The following CCDC12 variants were observed in gnomAD, a reference collection of about 807,000 sequenced individuals.
CCDC12 encodes coiled-coil domain-containing protein 12.
A neutral mutation model predicts 25.7 loss-of-function variants in CCDC12; 28 were observed. That is an observed-to-expected ratio of 1.09 (90% confidence interval 0.81 to 1.50). The LOEUF (loss-of-function observed/expected upper bound fraction) is 1.50. CCDC12 is among the 40% of genes most tolerant of loss of function. CCDC12 has a pLI of 0.00. For synonymous variants in CCDC12, 75 were observed against 87.7 expected (o/e 0.86, Z 0.81); for missense variants, 198 against 210.0 (o/e 0.94, Z 0.35).
chr3:46,955,751 G>C (rs956061000), intron 1 of CCDC12, among the ~76,000 whole-genome samples: 54 of 152,276 alleles, frequency 3.5e-4, no homozygotes, highest in African/African-American at 1.3e-3. Context: ...AAGCAAAGGG[G>C]CCCCCCGAAA....
chr3:46,930,767 G>A (rs1178332965), intron 2 of CCDC12, among the ~76,000 whole-genome samples: 5 of 152,176 alleles, frequency 3.3e-5, no homozygotes, highest in Non-Finnish European at 2.9e-5. Context: ...AGCTCCAGGA[G>A]GTGGCCCTGT....
chr3:46,969,769 C>T (rs1483644863), intron 1 of CCDC12, among the ~76,000 whole-genome samples: 1 of 152,174 alleles, frequency 6.6e-6, no homozygotes, highest in Non-Finnish European at 1.5e-5. Flanking sequence ...CAGGTAGAGA[C>T]ACAGTTTCTT....
upstream of CCDC12, chr3:46,979,624 C>T (rs2035158463): frequency 6.6e-6 from 2 of 301,498 alleles, no homozygotes; most frequent in East Asian, 1.0e-4. Context: ...GGCGGGGCGG[C>T]GGTGACTGCA....
intron 1 of CCDC12, among the ~76,000 whole-genome samples, chr3:46,973,624 T>A (rs2107206531): frequency 6.8e-6 from 1 of 147,840 alleles, no homozygotes; most frequent in Non-Finnish European, 1.5e-5. Context: ...TTTTTTTTTT[T>A]TTTTTTTGAG....
chr3:46,960,738 G>A (rs919811493), intron 1 of CCDC12, among the ~76,000 whole-genome samples: 1 of 152,254 alleles, frequency 6.6e-6, no homozygotes, highest in Non-Finnish European at 1.5e-5. Context: ...AAGAGGGCCA[G>A]GCATGACTGA....
intron 2 of CCDC12, among the ~76,000 whole-genome samples, chr3:46,939,688 G>A (rs1465118141): frequency 1.3e-5 from 2 of 152,184 alleles, no homozygotes; most frequent in African/African-American, 4.8e-5. Flanking sequence ...AGCATCACCA[G>A]CCTCTAAGCA....
chr3:46,964,818 A>G lies in CCDC12; in HGVS notation c.96+11819T>C, dbSNP rs564082078. On this transcript the variant is annotated intron_variant, in intron 1 of 6. Transcript: ENST00000683445. ...TACCCAGGGACACAAACACTGCTGAAGGCCGCAGGGTCCTCTGCCTAGGAA... is the reference window on the plus strand; with the variant it reads ...TACCCAGGGACACAAACACTGCTGAGGGCCGCAGGGTCCTCTGCCTAGGAA... 2.1e-3 allele frequency among the ~76,000 whole-genome samples: 317 copies of G among 152,270 alleles called. 2 individuals carry two copies. The highest frequency in any genetic ancestry group is 7.3e-3 in the African/African-American group (304 of 41,542).
upstream of CCDC12, among the ~76,000 whole-genome samples, chr3:46,978,864 T>G (rs879449323): frequency 4.1e-4 from 62 of 152,064 alleles, no homozygotes; most frequent in Non-Finnish European, 5.9e-4. Flanking sequence ...GCGCCTGTAG[T>G]CCCAGCTACT....
intron 3 of CCDC12, among the ~76,000 whole-genome samples, chr3:46,924,595 A>G (rs1250462282): frequency 6.6e-6 from 1 of 152,250 alleles, no homozygotes; most frequent in Non-Finnish European, 1.5e-5. Context: ...CTGGAATCCC[A>G]GCACTTTGGG....
intron 1 of CCDC12, among the ~76,000 whole-genome samples, chr3:46,959,784 C>G (rs372130026): frequency 7.2e-5 from 11 of 152,178 alleles, no homozygotes; most frequent in African/African-American, 2.7e-4. Context: ...GCCTGTTCTG[C>G]TCCTGCCCCT....
intron 2 of CCDC12, among the ~76,000 whole-genome samples, chr3:46,928,547 A>T (rs1177800915): frequency 2.6e-5 from 4 of 152,252 alleles, no homozygotes; most frequent in Non-Finnish European, 5.9e-5. Flanking sequence ...AGAGAAAAAA[A>T]AAAGTGTGTT....
chr3:46,957,958 AATACAC>A (rs1469288443), intron 1 of CCDC12, among the ~76,000 whole-genome samples: 1 of 27,974 alleles, frequency 3.6e-5, no homozygotes, highest in Non-Finnish European at 1.1e-4. Flanking sequence ...TAAAAAAATA[AATACAC>A]ACACACACAC....
chr3:46,956,726 T>G (rs2034298725), intron 1 of CCDC12, among the ~76,000 whole-genome samples: 1 of 148,696 alleles, frequency 6.7e-6, no homozygotes, highest in African/African-American at 2.5e-5. Context: ...GGGGCTGAGG[T>G]GGGGGAATCA....
At chr3:46,976,434 G>T (rs1000347731) in intron 1 of CCDC12, 33 of 1,414,326 alleles carry the variant, frequency 2.3e-5, no homozygotes, top group Admixed American at 2.1e-4. Flanking sequence ...CATGCGCGAC[G>T]ACCGCACCAG....
rs1559546237 is a variant in CCDC12, at chr3:46,923,181, G to C, written c.341+148C>G. The C allele has an allele frequency of 6.0e-6, 5 of 837,636 alleles. No individual in the cohort carries two copies. In the South Asian group the frequency reaches 2.0e-4, roughly 33 times the overall value. 51.9% of individuals were successfully genotyped at this position (837,636 alleles called of 1,614,324 possible). ...CACCACTTATGTCCTCCTCAGCACTGGTTTCCAACAGTAGCTATCTCGTGT... is the reference window on the plus strand; with the variant it reads ...CACCACTTATGTCCTCCTCAGCACTCGTTTCCAACAGTAGCTATCTCGTGT... On this transcript the variant is annotated intron_variant, in intron 5 of 6. Coordinates refer to ENST00000683445, the MANE Select transcript of CCDC12 (RefSeq NM_001277074.2).
At chr3:46,929,760 C>T (rs2033129014) in intron 2 of CCDC12, among the ~76,000 whole-genome samples, 1 of 151,964 alleles carries the variant, frequency 6.6e-6, no homozygotes. Context: ...GGCATGGTGG[C>T]TCACACCTGT....
chr3:46,923,582 ATGCCAGGGTG>A lies in CCDC12; in HGVS notation c.306+15_306+24del. On this transcript the variant is annotated intron_variant, in intron 4 of 6. Transcript: ENST00000683445. ...AACAGGACACACAGAAGCAGCGAGG[ATGCCAGGGTG>A]GTCCAGGCACTCACCACCTCCTCGA... The A allele has an allele frequency of 6.2e-7, 1 of 1,603,148 alleles. No individual in the cohort carries two copies. Among genetic ancestry groups the A allele is most frequent in the Non-Finnish European group, 8.5e-7 (1 of 1,174,862 alleles).
chr3:46,973,764 C>T (rs1054839065), intron 1 of CCDC12, among the ~76,000 whole-genome samples: 1 of 151,854 alleles, frequency 6.6e-6, no homozygotes, highest in Non-Finnish European at 1.5e-5. Context: ...AGGCGCCCAC[C>T]ACCGCGCTCG....
At chr3:46,979,939 A>C (rs896964084), upstream of CCDC12, 33 of 348,590 alleles carry the variant, frequency 9.5e-5, no homozygotes, top group Middle Eastern at 7.7e-4. Flanking sequence ...CCGCGCCCGC[A>C]CCCGCACCCG....
Sources: allele counts gnomAD v4.1 joint callset (sites outside exome capture counted in the v4.1 genomes callset), GRCh38; gene constraint gnomAD v4.1.1; transcripts MANE v1.5; gene names NCBI Gene and HGNC (gene_info 2026-07-23, HGNC 2026-07-21).